The following COL3A1 variants were observed in gnomAD, a reference collection of about 807,000 sequenced individuals.
COL3A1 encodes collagen type III alpha 1 chain.
Under a neutral mutation model 200.9 loss-of-function variants are expected in COL3A1, and 46 were observed. The ratio of observed to expected loss-of-function variants is 0.23; its 90% confidence interval spans 0.18 to 0.29. COL3A1 has a LOEUF of 0.29. COL3A1 is among the 10% of genes least tolerant of loss of function. The pLI is 1.00. For missense variants in COL3A1, 1,367 were observed against 1,917.6 expected (o/e 0.71, Z 5.36); for synonymous variants, 650 against 628.0 (o/e 1.03, Z -0.52).
intron 1 of COL3A1, among the ~76,000 whole-genome samples, chr2:188,976,304 T>C (rs973199543): frequency 5.9e-5 from 9 of 152,106 alleles, no homozygotes; most frequent in African/African-American, 1.9e-4. Context: ...TGTTTGCCAC[T>C]TACAGTACCT....
rs3134653 is a variant in COL3A1, at chr2:189,000,114, C to T, written c.2283+219C>T. 0.99 allele frequency among the ~76,000 whole-genome samples: 151,501 copies of T among 152,316 alleles called. 75,349 individuals are homozygous for T. Among genetic ancestry groups the T allele is most frequent in the East Asian group, 1 (5,178 of 5,178 alleles). ...AAAGAATGAAAAAGCCTCAAGAGTA[C>T]GATAAAGGTCACAAACTAGCATTTG... On this transcript the variant is annotated intron_variant, in intron 32 of 50. Transcript: ENST00000304636.
chr2:188,990,516 C>T (rs370345165), intron 10 of COL3A1, among the ~76,000 whole-genome samples, 156 bp downstream of exon 10: 1 of 152,102 alleles, frequency 6.6e-6, no homozygotes, highest in East Asian at 1.9e-4. Flanking sequence ...GTTGACCAAA[C>T]TAGTCATTTT....
chr2:189,008,865 A>G (rs1296771132), intron 47 of COL3A1, 59 bp from the exon 48 acceptor site: 7 of 1,528,466 alleles, frequency 4.6e-6, no homozygotes, highest in Non-Finnish European at 5.4e-6. Flanking sequence ...CTAGCAATGT[A>G]TTCTTAGAGT....
intron 6 of COL3A1, 81 bp from the exon 7 acceptor site, chr2:188,988,509 C>G (rs1483884661): frequency 8.9e-6 from 9 of 1,005,984 alleles, no homozygotes; most frequent in Non-Finnish European, 1.4e-5. Flanking sequence ...ATTCACAATC[C>G]TGATTTCTTA....
Position 189,001,445 on chromosome 2 carries a change from G to A in COL3A1, c.2332G>A (p.Asp778Asn). Residue 778 changes from aspartate to asparagine, a missense_variant, in exon 33 of 51, where the codon GAT becomes AAT. Around this residue, in one of 5 missense-constraint regions of COL3A1, gnomAD observed 846 missense variants for 1,147.9 expected, o/e 0.74. Transcript: ENST00000304636. Reference sequence around the variant, plus strand: ...TCCTGGCCCAGCTGGCCAGCCTGGAGATAAGGTAACCCTTAATACTACCTG... The same window carrying A: ...TCCTGGCCCAGCTGGCCAGCCTGGAAATAAGGTAACCCTTAATACTACCTG... ...GPPGPAGQPG[D>N]KGEGGAPGLP... 1 of 1,614,068 alleles carries A rather than the reference G, an allele frequency of 6.2e-7. No individual in the cohort carries two copies. Among genetic ancestry groups the A allele is most frequent in the Non-Finnish European group, 8.5e-7 (1 of 1,179,908 alleles).
intron 12 of COL3A1, 33 bp from the exon 13 acceptor site, chr2:188,991,636 A>C: frequency 6.2e-7 from 1 of 1,613,344 alleles, no homozygotes; most frequent in Non-Finnish European, 8.5e-7. Context: ...TGTCAAGATT[A>C]GAGTAAAACC....
At chr2:188,993,571 ATTACTTTG>A in intron 16 of COL3A1, 112 bp downstream of exon 16, 1 of 961,954 alleles carries the variant, frequency 1.0e-6, no homozygotes, top group African/African-American at 1.6e-5. Flanking sequence ...ATCAGTGAAA[ATTACTTTG>A]AAAAAATTGT....
rs760223056 is a variant in COL3A1, at chr2:189,010,619, T to C, written c.4012-29T>C. The C allele has an allele frequency of 5.0e-6, 8 of 1,613,926 alleles. No homozygotes were observed. In the Admixed American group the frequency reaches 6.7e-5, roughly 13 times the overall value. On this transcript the variant is annotated intron_variant, in intron 49 of 50. Coordinates refer to ENST00000304636, the MANE Select transcript of COL3A1 (RefSeq NM_000090.4). Reference sequence around the variant, plus strand: ...CGCGTGCAGTTACAACTGAAATGTTTGATCTGTTTTATTTGTTCCCTATTA... The same window carrying C: ...CGCGTGCAGTTACAACTGAAATGTTCGATCTGTTTTATTTGTTCCCTATTA...
rs1200604475 is a variant in COL3A1 at position 188,985,646 on chromosome 2, A to AT, written c.334-14dup. ...ACCAGGATTTTTCACTATTTAATTT[A>AT]TTTTTATCTCTTTTTTAGGGCCCTC... On this transcript the variant is annotated intron_variant, in intron 3 of 50. Coordinates refer to ENST00000304636, the MANE Select transcript of COL3A1 (RefSeq NM_000090.4). 2.6e-6 allele frequency: 4 copies of AT among 1,535,816 alleles called. No individual in the cohort carries two copies. The highest frequency in any genetic ancestry group is 1.7e-5 in the Admixed American group (1 of 58,096).
rs1688583072 is a variant in COL3A1 at position 189,006,240 on chromosome 2, A to C, written c.3074A>C (p.Asp1025Ala). 6.2e-7 allele frequency: 1 copy of C among 1,614,230 alleles called. No homozygotes were observed. Among genetic ancestry groups the C allele is most frequent in the Non-Finnish European group, 8.5e-7 (1 of 1,180,026 alleles). ...GGATCAGATGGTCTTCCAGGCCGAG[A>C]TGGATCTCCTGGTGGCAAGGTATAA... ...NPGSDGLPGR[D>A]GSPGGKGDRG... The change falls in exon 42 of 51, where the codon GAT becomes GCT. Residue 1025 changes from aspartate to alanine, a missense_variant. Coordinates refer to ENST00000304636, the MANE Select transcript of COL3A1 (RefSeq NM_000090.4).
intron 1 of COL3A1, among the ~76,000 whole-genome samples, chr2:188,984,554 A>T (rs1443682494): frequency 6.6e-6 from 1 of 152,062 alleles, no homozygotes; most frequent in African/African-American, 2.4e-5. Context: ...TGCCAATTTT[A>T]TGTTAACAAG....
In COL3A1 at chr2:188,994,613, G is replaced by A. The variant is rs747542164; in HGVS notation, c.1347+19G>A. On this transcript the variant is annotated intron_variant, in intron 19 of 50. Transcript: ENST00000304636. This position sits in a 1 kb window ranked among gnomAD's most constrained non-coding sequence, Gnocchi z 4.5. The stretch of plus-strand genomic sequence containing the variant: ...TGAACGCGTAAGTTTTACTGCAACA[G>A]ATCTGGTTATTTCTTGAAAAAATGC... The A allele has an allele frequency of 4.3e-6, 7 of 1,614,036 alleles. No individual in the cohort carries two copies. In the South Asian group the frequency reaches 7.7e-5, roughly 18 times the overall value.
intron 47 of COL3A1, 113 bp downstream of exon 47, chr2:189,008,255 T>C: frequency 1.1e-6 from 1 of 870,238 alleles, no homozygotes; most frequent in Non-Finnish European, 1.9e-6. Flanking sequence ...ATCCACTCAA[T>C]TTAGAAACTG....
In COL3A1 at chr2:188,984,833, A is replaced by G; in HGVS notation, c.153A>G (p.Gln51=). 6.2e-7 allele frequency: 1 copy of G among 1,613,248 alleles called. No individual in the cohort carries two copies. Residue 51 remains glutamine (Q), a synonymous_variant, in exon 2 of 51, where the codon CAA becomes CAG. Coordinates refer to ENST00000304636, the MANE Select transcript of COL3A1 (RefSeq NM_000090.4). ...ATGTCTGGAAGCCAGAACCATGCCA[A>G]ATATGTGTCTGTGACTCAGGATCCG... ...DRDVWKPEPC[Q]ICVCDSGSVL...
chr2:188,993,873 G>C (rs889993395), intron 16 of COL3A1, among the ~76,000 whole-genome samples, 165 bp from the exon 17 acceptor site: 1 of 152,178 alleles, frequency 6.6e-6, no homozygotes, highest in Non-Finnish European at 1.5e-5. Context: ...AGATAATGAT[G>C]ATTCTTTTGA....
rs1336001254 is a variant in COL3A1, at chr2:188,998,261, T to C, written c.1924-5T>C. On this transcript the variant is annotated splice_region_variant and splice_polypyrimidine_tract_variant and intron_variant, in intron 27 of 50. Coordinates refer to ENST00000304636, the MANE Select transcript of COL3A1 (RefSeq NM_000090.4). ...ATTACCTAATACAAATATGATTCTT[T>C]CTAGGGCTTGCCTGGTACAGGTGGT... The C allele has an allele frequency of 6.2e-7, 1 of 1,613,354 alleles. No homozygotes were observed. Among genetic ancestry groups the C allele is most frequent in the Admixed American group, 1.7e-5 (1 of 59,990 alleles).
rs548800498 is a variant in COL3A1, at chr2:189,008,800, G to A, written c.3526-124G>A. 5.8e-5 allele frequency: 64 copies of A among 1,105,796 alleles called. No homozygotes were observed. In the African/African-American group the frequency reaches 8.9e-4, roughly 15 times the overall value. The allele number at this position is 1,105,796 out of a possible 1,614,324, so 68.5% of individuals were successfully genotyped here. A position where few individuals can be genotyped will look rare whatever the true frequency, so the allele number is the denominator to read the frequency against. On this transcript the variant is annotated intron_variant, in intron 47 of 50. Transcript: ENST00000304636. Reference sequence around the variant, plus strand: ...CTAAAGGCACCCAAATAAATCTTTAGTAAAATAATTCTGATGACACAATGA... The same window carrying A: ...CTAAAGGCACCCAAATAAATCTTTAATAAAATAATTCTGATGACACAATGA...
At chr2:189,011,394 T>C (rs1385734050) in intron 50 of COL3A1, among the ~76,000 whole-genome samples, 1 of 152,238 alleles carries the variant, frequency 6.6e-6, no homozygotes, top group East Asian at 1.9e-4. Context: ...CACTGGTCTA[T>C]AGCAATTGCC....
intron 50 of COL3A1, 31 bp from the exon 51 acceptor site, chr2:189,011,597 A>C (rs1454870709): frequency 1.2e-6 from 2 of 1,613,656 alleles, no homozygotes; most frequent in Non-Finnish European, 1.7e-6. Flanking sequence ...TTGTAATGTC[A>C]TGATCATGTA....
Sources: allele counts gnomAD v4.1 joint callset (sites outside exome capture counted in the v4.1 genomes callset), GRCh38; gene constraint gnomAD v4.1.1; regional missense constraint gnomAD v4.1.1; non-coding constraint Gnocchi (gnomAD v3.1); transcripts MANE v1.5; gene names NCBI Gene and HGNC (gene_info 2026-07-23, HGNC 2026-07-21).